Variants in CD163L1 observed in about 807,000 individuals in gnomAD.
CD163L1 encodes scavenger receptor cysteine-rich type 1 protein M160.
CD163L1 carries 124 observed loss-of-function variants against 165.4 expected under a neutral mutation model. The observed-to-expected ratio is 0.75, with a 90% confidence interval of 0.65 to 0.87. CD163L1 has a LOEUF of 0.87. Among genes scored for constraint, CD163L1 ranks in the 40% least tolerant of loss-of-function variants. The pLI, the probability that CD163L1 is intolerant of heterozygous loss-of-function variation, is 0.00. For missense variants in CD163L1, 1,525 were observed against 1,799.9 expected, an observed-to-expected ratio of 0.85 and a Z score of 2.76; for synonymous variants, 585 against 662.2, an observed-to-expected ratio of 0.88 and a Z score of 1.79.
chr12:7,328,527 T>C, the CD163L1 span: 6 of 477,904 alleles, frequency 1.3e-5, no homozygotes, highest in South Asian at 1.8e-4. Context: ...AGCTAAAAAG[T>C]TTAAAAGTAA....
At chr12:7,322,404 C>G in the CD163L1 span, 1 of 1,613,370 alleles carries the variant, frequency 6.2e-7, no homozygotes, top group Non-Finnish European at 8.5e-7. Flanking sequence ...ACCCATGCAA[C>G]TCTGTCTCTC....
chr12:7,435,357 C>T (rs1948701553), intron 2 of CD163L1, among the ~76,000 whole-genome samples: 1 of 151,236 alleles, frequency 6.6e-6, no homozygotes, highest in Non-Finnish European at 1.5e-5. Context: ...GGACTAGTAT[C>T]TAGATTATAT....
chr12:7,391,685 C>G (rs1382573226), intron 8 of CD163L1, among the ~76,000 whole-genome samples: 5 of 152,034 alleles, frequency 3.3e-5, no homozygotes, highest in African/African-American at 1.2e-4. Context: ...AGACCCATCA[C>G]CTTCAGAGAC....
chr12:7,440,921 C>T (rs1209552796), intron 2 of CD163L1, among the ~76,000 whole-genome samples: 1 of 152,138 alleles, frequency 6.6e-6, no homozygotes, highest in African/African-American at 2.4e-5. Flanking sequence ...GCCACTGTGC[C>T]CGGCCGGATT....
chr12:7,406,761 T>A lies in CD163L1; in HGVS notation c.858A>T (p.Val286=), dbSNP rs754152692. The change falls in exon 5 of 20, where the codon GTA becomes GTT. Residue 286 remains valine, a synonymous_variant. Transcript: ENST00000313599. ...CAGCATTGTTCCACTTATGGTGGCATACGGTCCCCCACCTTCCTTGGATTT... is the reference window on the plus strand; with the variant it reads ...CAGCATTGTTCCACTTATGGTGGCAAACGGTCCCCCACCTTCCTTGGATTT... ...ELKIQGRWGT[V]CHHKWNNAAA... 23 of 1,614,066 alleles carry A rather than the reference T, an allele frequency of 1.4e-5. No individual in the cohort carries two copies. Among genetic ancestry groups the A allele is most frequent in the Non-Finnish European group, 1.9e-5 (23 of 1,179,984 alleles).
the CD163L1 span, among the ~76,000 whole-genome samples, chr12:7,338,619 A>T: frequency 6.6e-6 from 1 of 152,148 alleles, no homozygotes; most frequent in Non-Finnish European, 1.5e-5. Context: ...CTTACTCTGA[A>T]TATCTGTCTA....
At chr12:7,323,399 G>A in the CD163L1 span, 1 of 1,596,682 alleles carries the variant, frequency 6.3e-7, no homozygotes, top group South Asian at 1.1e-5. Flanking sequence ...CTATTCATAA[G>A]CTGCTTTCAT....
chr12:7,412,850 A>G (rs2136552254), intron 4 of CD163L1, among the ~76,000 whole-genome samples: 1 of 152,174 alleles, frequency 6.6e-6, no homozygotes, highest in South Asian at 2.1e-4. Context: ...TAATCCAAGC[A>G]CTTTGGGAGG....
rs1184211700 is a variant in CD163L1 at position 7,369,309 on chromosome 12, C to G, written c.4039+48G>C. On this transcript the variant is annotated intron_variant, in intron 15 of 19. Transcript: ENST00000313599. The surrounding 1 kb of genome is among the most constrained non-coding windows in gnomAD (Gnocchi z 4.9). ...GAGTGAGCCTGTTTCCCAGTGTTCT[C>G]TACCATTAGTGGGAGGCTCAGTTTA... The G allele has an allele frequency of 1.3e-6, 2 of 1,568,040 alleles. No homozygotes were observed. Among genetic ancestry groups the G allele is most frequent in the Non-Finnish European group, 1.7e-6 (2 of 1,147,138 alleles).
chr12:7,319,745 A>T, the CD163L1 span, among the ~76,000 whole-genome samples: 1 of 152,320 alleles, frequency 6.6e-6, no homozygotes, highest in East Asian at 1.9e-4. Context: ...CTTACTTAAC[A>T]TAAATGTACA....
At chr12:7,421,755 ATAT>A (rs1948442283) in intron 4 of CD163L1, among the ~76,000 whole-genome samples, 1 of 131,058 alleles carries the variant, frequency 7.6e-6, no homozygotes, top group East Asian at 2.2e-4. Flanking sequence ...GTATATATAT[ATAT>A]ATATATATAT....
chr12:7,322,978 C>A, the CD163L1 span, among the ~76,000 whole-genome samples: 2 of 152,180 alleles, frequency 1.3e-5, no homozygotes, highest in Admixed American at 6.5e-5. Context: ...AATTCTTAGA[C>A]CCCATTCCAC....
intron 8 of CD163L1, among the ~76,000 whole-genome samples, chr12:7,390,918 G>C (rs1355302093): frequency 6.6e-6 from 1 of 152,150 alleles, no homozygotes; most frequent in Non-Finnish European, 1.5e-5. Flanking sequence ...TGGTCTTAGA[G>C]AAGGAATCTA....
rs996665209 is a variant in CD163L1, at chr12:7,368,728, C to T, written c.4072+205G>A. On this transcript the variant is annotated intron_variant, in intron 16 of 19. Transcript: ENST00000313599. This position sits in a 1 kb window ranked among gnomAD's most constrained non-coding sequence, Gnocchi z 4.3. ...AGGGTACCATGAGAGTCTTATCCTT[C>T]TCTGCATGTAAAAAGGATTTTTCTA... The T allele has an allele frequency of 6.9e-6, 4 of 577,936 alleles. No homozygotes were observed. Among genetic ancestry groups the T allele is most frequent in the Non-Finnish European group, 1.3e-5 (4 of 318,802 alleles). 35.8% of individuals were successfully genotyped at this position (577,936 alleles called of 1,614,324 possible).
rs1947241425 is a variant in CD163L1 at position 7,375,310 on chromosome 12, T to C, written c.2972A>G (p.His991Arg). Reference protein sequence around the residue: ...MTVLGAPPCIHGNTVSVICTG... With the variant: ...MTVLGAPPCIRGNTVSVICTG... ...GCAGATCACAGAGACAGTATTTCCA[T>C]GGATACAGGGAGGTGCTCCAAGAAC... Residue 991 changes from histidine to arginine, a missense_variant, in exon 11 of 20, where the codon CAT becomes CGT. His to Arg is a conservative substitution (Grantham distance 29, BLOSUM62 0). Transcript: ENST00000313599. 1 of 1,614,158 alleles carries C rather than the reference T, an allele frequency of 6.2e-7. No homozygotes were observed. The highest frequency in any genetic ancestry group is 8.5e-7 in the Non-Finnish European group (1 of 1,180,026).
At chr12:7,421,682 T>G (rs1288655240) in intron 4 of CD163L1, among the ~76,000 whole-genome samples, 1 of 142,814 alleles carries the variant, frequency 7.0e-6, no homozygotes, top group Non-Finnish European at 1.5e-5. Context: ...CGTGCATATG[T>G]ACATATACAT....
rs867501028 is a variant in CD163L1 at position 7,380,301 on chromosome 12, G to A, written c.2051-1003C>T. Among the ~76,000 whole-genome samples the A allele has an allele frequency of 2.1e-3, 255 of 120,386 alleles. 4 individuals carry two copies. The highest frequency in any genetic ancestry group is 9.0e-3 in the Middle Eastern group (2 of 222). 79.0% of individuals were successfully genotyped at this position (120,386 alleles called of 152,430 possible). On this transcript the variant is annotated intron_variant, in intron 8 of 19. Coordinates refer to ENST00000313599, the MANE Select transcript of CD163L1 (RefSeq NM_174941.6). ...TGTGTGTGTGTGTGTGTGTGTGTGT[G>A]TATACACATATACATACATATATGT... is the stretch of plus-strand genomic sequence containing the variant.
chr12:7,431,206 A>G (rs1392018439), intron 4 of CD163L1, among the ~76,000 whole-genome samples: 3 of 152,142 alleles, frequency 2.0e-5, no homozygotes, highest in African/African-American at 7.2e-5. Flanking sequence ...GCAGATCACA[A>G]GATCAGGAGA....
chr12:7,368,232 T>C lies in CD163L1; in HGVS notation c.4073-35A>G. 1.7e-6 allele frequency: 2 copies of C among 1,188,298 alleles called. No homozygotes were observed. The highest frequency in any genetic ancestry group is 2.5e-5 in the South Asian group (2 of 79,574). 73.6% of individuals were successfully genotyped at this position (1,188,298 alleles called of 1,614,324 possible). A position where few individuals can be genotyped will look rare whatever the true frequency, so the allele number is the denominator to read the frequency against. ...AATTAAGCATTGATAAGTATTAAAC[T>C]AGTAGATATCAATTGTGGGTTTATA... On this transcript the variant is annotated intron_variant, in intron 16 of 19. Coordinates refer to ENST00000313599, the MANE Select transcript of CD163L1 (RefSeq NM_174941.6). The surrounding 1 kb of genome is among the most constrained non-coding windows in gnomAD (Gnocchi z 4.3).
Sources: allele counts gnomAD v4.1 joint callset (sites outside exome capture counted in the v4.1 genomes callset), GRCh38; gene constraint gnomAD v4.1.1; non-coding constraint Gnocchi (gnomAD v3.1); transcripts MANE v1.5; gene names NCBI Gene and HGNC (gene_info 2026-07-23, HGNC 2026-07-21).